The following RLBP1 variants were observed in gnomAD, a reference collection of about 807,000 sequenced individuals.
RLBP1 encodes retinaldehyde binding protein 1, also known as retinaldehyde-binding protein 1.
RLBP1 carries 26 observed loss-of-function variants against 36.2 expected under a neutral mutation model. The ratio of observed to expected loss-of-function variants is 0.72; its 90% CI spans 0.53 to 1.00. RLBP1 has a LOEUF of 1.00. Ranked by LOEUF, RLBP1 falls within the 50% of genes least tolerant of loss-of-function variation. The pLI, the probability that RLBP1 is intolerant of heterozygous loss-of-function variation, is 0.00. For missense variants in RLBP1, 410 were observed against 402.4 expected (o/e 1.02, Z -0.16); for synonymous variants, 155 against 156.2 (o/e 0.99, Z 0.06).
In RLBP1 at chr15:89,217,174, G is replaced by A; in HGVS notation, c.292C>T (p.Arg98Cys). The A allele has an allele frequency of 1.2e-6, 2 of 1,614,044 alleles. No individual in the cohort carries two copies. Among genetic ancestry groups the A allele is most frequent in the South Asian group, 1.1e-5 (1 of 91,080 alleles). ...TTGAACTTCCGTGCGCGGATGAAGC[G>A]CAGGAAGAAGCCGCTGTCCTTCTCT... ...VQEKDSGFFL[R>C]FIRARKFNVG... The change falls in exon 5 of 9, where the codon CGC becomes TGC. Residue 98 changes from arginine to cysteine, a missense_variant. By Grantham distance (180) the Arg-to-Cys change is radical. Transcript: ENST00000268125.
chr15:89,214,960 C>T lies in RLBP1; in HGVS notation c.525+100G>A, dbSNP rs1465379560. On this transcript the variant is annotated intron_variant, in intron 6 of 8. Coordinates refer to ENST00000268125, the MANE Select transcript of RLBP1 (RefSeq NM_000326.5). This position sits in a 1 kb window ranked among gnomAD's most constrained non-coding sequence, Gnocchi z 4.6. ...CTGCCCACCTTTCCCCCTCTACAGA[C>T]CTTGCCTCCTGGAGAACCAGGAATG... 3 of 1,288,682 alleles carry T rather than the reference C, an allele frequency of 2.3e-6. 1 individual carries two copies. The highest frequency in any genetic ancestry group is 2.4e-5 in the South Asian group (2 of 83,462). 79.8% of individuals were successfully genotyped at this position (1,288,682 alleles called of 1,614,324 possible). A position where few individuals can be genotyped will look rare whatever the true frequency, so the allele number is the denominator to read the frequency against.
In RLBP1 at chr15:89,217,331, C is replaced by G. The variant is rs752380181; in HGVS notation, c.142-7G>C. On this transcript the variant is annotated splice_polypyrimidine_tract_variant and splice_region_variant and intron_variant, in intron 4 of 8. Coordinates refer to ENST00000268125, the MANE Select transcript of RLBP1 (RefSeq NM_000326.5). Reference sequence around the variant, plus strand: ...CGTTCAGCTCATCCTTGGCCTAGAACAGGGTGGGGTGTGCATGAAGTTAAA... The same window carrying G: ...CGTTCAGCTCATCCTTGGCCTAGAAGAGGGTGGGGTGTGCATGAAGTTAAA... 11 of 1,603,240 alleles carry G rather than the reference C, an allele frequency of 6.9e-6. No individual in the cohort carries two copies. The South Asian group carries it at 1.2e-4, about 18-fold the overall frequency.
At position 89,210,224 on chromosome 15, in the gene RLBP1, C is replaced by CCAGGA. The variant is rs1311143680; in HGVS notation, c.*56_*60dup. 1.3e-6 allele frequency: 2 copies of CCAGGA among 1,594,724 alleles called. No homozygotes were observed. Among genetic ancestry groups the CCAGGA allele is most frequent in the Admixed American group, 3.3e-5 (2 of 59,874 alleles). On this transcript the variant is annotated 3_prime_UTR_variant, in exon 9 of 9. Transcript: ENST00000268125. This position sits in a 1 kb window ranked among gnomAD's most constrained non-coding sequence, Gnocchi z 4.7. ...AAGCAGCCCTTTCCTAGCCTTGGGT[C>CCAGGA]CAGGACAGTTGAGGAGAGGCCCAGA... is the stretch of plus-strand genomic sequence containing the variant.
At chr15:89,217,074 T>A in intron 5 of RLBP1, 46 bp downstream of exon 5, 1 of 1,594,922 alleles carries the variant, frequency 6.3e-7, no homozygotes, top group Non-Finnish European at 8.6e-7. Flanking sequence ...AGCATCCTCA[T>A]GGCCTCCCGT....
intron 6 of RLBP1, among the ~76,000 whole-genome samples, chr15:89,212,515 G>A (rs1043126469): frequency 5.7e-4 from 86 of 150,368 alleles, no homozygotes; most frequent in African/African-American, 2.0e-3. Flanking sequence ...AACTTGAGAG[G>A]CAGAGGTTGC....
At chr15:89,212,564 G>A (rs1189442202) in intron 6 of RLBP1, among the ~76,000 whole-genome samples, 1 of 140,940 alleles carries the variant, frequency 7.1e-6, no homozygotes, top group Non-Finnish European at 1.5e-5. Flanking sequence ...CAACCTAGGC[G>A]ACAAGAGCAA....
chr15:89,217,059 C>T (rs1398088314), intron 5 of RLBP1, 61 bp downstream of exon 5: 7 of 1,547,438 alleles, frequency 4.5e-6, no homozygotes, highest in Non-Finnish European at 6.2e-6. Flanking sequence ...AGGATGAGAG[C>T]GGATAGCATC....
chr15:89,218,699 C>T lies in RLBP1; in HGVS notation c.13-6G>A, dbSNP rs1300327392. 3.7e-6 allele frequency: 6 copies of T among 1,613,892 alleles called. No homozygotes were observed. The highest frequency in any genetic ancestry group is 5.1e-6 in the Non-Finnish European group (6 of 1,180,040). On this transcript the variant is annotated splice_region_variant and splice_polypyrimidine_tract_variant and intron_variant, in intron 3 of 8. Transcript: ENST00000268125. The surrounding 1 kb of genome is among the most constrained non-coding windows in gnomAD (Gnocchi z 4.6). ...ACCATGCGGAACGTGCCCACCTGGG[C>T]AGAGAAAGGAAAAAGAGGAACAGCC...
At chr15:89,215,631 G>A (rs1463260330) in intron 5 of RLBP1, among the ~76,000 whole-genome samples, 1 of 152,192 alleles carries the variant, frequency 6.6e-6, no homozygotes, top group Non-Finnish European at 1.5e-5. Context: ...GGTGTGCACA[G>A]GGCTGAGGAG....
chr15:89,220,892 G>A (rs970389810), intron 1 of RLBP1, among the ~76,000 whole-genome samples: 14 of 151,840 alleles, frequency 9.2e-5, no homozygotes, highest in Admixed American at 6.6e-5. Context: ...TAAAAATACT[G>A]ATTTACAAGC....
rs1478285840 is a variant in RLBP1, at chr15:89,211,823, C to A, written c.604G>T (p.Glu202Ter). ...TGCATGGTAAAGCCCTTGAAGTTCTCAATGATGCAGAAGCCATTGATTTGA... is the reference window on the plus strand; with the variant it reads ...TGCATGGTAAAGCCCTTGAAGTTCTAAATGATGCAGAAGCCATTGATTTGA... ...ETQINGFCII[E>*]NFKGFTMQQA... Residue 202 changes from glutamate (E) to a stop codon, truncating the protein, a stop_gained, in exon 7 of 9, where the codon GAG becomes TAG. Coordinates refer to ENST00000268125, the MANE Select transcript of RLBP1 (RefSeq NM_000326.5). LOFTEE classifies it high-confidence loss of function. The surrounding 1 kb of genome is among the most constrained non-coding windows in gnomAD (Gnocchi z 5.8). 2 of 1,614,202 alleles carry A rather than the reference C, an allele frequency of 1.2e-6. No individual in the cohort carries two copies. The highest frequency in any genetic ancestry group is 2.2e-5 in the South Asian group (2 of 91,086).
Position 89,211,970 on chromosome 15 carries a change from G to T in RLBP1, c.526-69C>A. On this transcript the variant is annotated intron_variant, in intron 6 of 8. Transcript: ENST00000268125. The surrounding 1 kb of genome is among the most constrained non-coding windows in gnomAD (Gnocchi z 5.8). ...ATAATTAAGGCTTGAGGTCCTGAGG[G>T]GAGAGCTAATTGGTACATTCTTCAC... The T allele has an allele frequency of 6.5e-7, 1 of 1,535,930 alleles. No homozygotes were observed. Among genetic ancestry groups the T allele is most frequent in the South Asian group, 1.1e-5 (1 of 88,330 alleles).
rs903074325 is a variant in RLBP1, at chr15:89,214,650, C to T, written c.525+410G>A. On this transcript the variant is annotated intron_variant, in intron 6 of 8. Coordinates refer to ENST00000268125, the MANE Select transcript of RLBP1 (RefSeq NM_000326.5). This position sits in a 1 kb window ranked among gnomAD's most constrained non-coding sequence, Gnocchi z 4.6. The stretch of plus-strand genomic sequence containing the variant: ...CACAATTTTGCGAGCACAAAGAACT[C>T]GGGCTCCTAAATAGATTGGAACCTG... Among the ~76,000 whole-genome samples the T allele has an allele frequency of 6.6e-5, 10 of 152,132 alleles. No individual in the cohort carries two copies. The highest frequency in any genetic ancestry group is 3.9e-4 in the Admixed American group (6 of 15,272).
In RLBP1 at chr15:89,215,246, A is replaced by T. The variant is rs1356695816; in HGVS notation, c.347-8T>A. ...GCCGGAAATTCACATAGCCTGGAGG[A>T]AGGAGAGCAGAGGAACCCCCTCAGG... On this transcript the variant is annotated splice_polypyrimidine_tract_variant and splice_region_variant and intron_variant, in intron 5 of 8. Coordinates refer to ENST00000268125, the MANE Select transcript of RLBP1 (RefSeq NM_000326.5). The T allele has an allele frequency of 6.2e-7, 1 of 1,613,918 alleles. No individual in the cohort carries two copies. The highest frequency in any genetic ancestry group is 8.5e-7 in the Non-Finnish European group (1 of 1,179,970).
At chr15:89,212,600 A>G (rs1259924416) in intron 6 of RLBP1, among the ~76,000 whole-genome samples, 2 of 141,166 alleles carry the variant, frequency 1.4e-5, no homozygotes, top group Non-Finnish European at 3.0e-5. Context: ...AAAAAAAAAA[A>G]AAGAAAAATG....
chr15:89,215,046 G>A lies in RLBP1; in HGVS notation c.525+14C>T, dbSNP rs1173705310. The A allele has an allele frequency of 5.0e-6, 8 of 1,613,378 alleles. No homozygotes were observed. Among genetic ancestry groups the A allele is most frequent in the East Asian group, 2.2e-5 (1 of 44,880 alleles). On this transcript the variant is annotated intron_variant, in intron 6 of 8. Transcript: ENST00000268125. The stretch of plus-strand genomic sequence containing the variant: ...CCAGCCCACAGGGTGGGAGCCAGGC[G>A]AGCCCCCACTAACCTCATCAAAGGT...
chr15:89,221,159 C>A (rs1416190367), intron 1 of RLBP1, among the ~76,000 whole-genome samples: 1 of 152,086 alleles, frequency 6.6e-6, no homozygotes, highest in Non-Finnish European at 1.5e-5. Context: ...AGGTGCCCAC[C>A]AGCACGCCTG....
Position 89,210,070 on chromosome 15 carries a change from T to C in RLBP1, c.*215A>G, listed in dbSNP as rs1204593500. On this transcript the variant is annotated 3_prime_UTR_variant, in exon 9 of 9. Coordinates refer to ENST00000268125, the MANE Select transcript of RLBP1 (RefSeq NM_000326.5). This position sits in a 1 kb window ranked among gnomAD's most constrained non-coding sequence, Gnocchi z 4.7. ...AAAGCTTCAAGGGCAGGTGGAAATA[T>C]AACTATCCCCAGTTCTTCTTGTTCA... 5.1e-6 allele frequency: 3 copies of C among 593,960 alleles called. No homozygotes were observed. Among genetic ancestry groups the C allele is most frequent in the Non-Finnish European group, 9.0e-6 (3 of 333,180 alleles). 36.8% of individuals were successfully genotyped at this position (593,960 alleles called of 1,614,324 possible). A position where few individuals can be genotyped will look rare whatever the true frequency, so the allele number is the denominator to read the frequency against.
intron 1 of RLBP1, among the ~76,000 whole-genome samples, chr15:89,220,562 G>C (rs2051618371): frequency 6.6e-6 from 1 of 152,096 alleles, no homozygotes; most frequent in Non-Finnish European, 1.5e-5. Context: ...GCAAGCACAG[G>C]GAAGTTCTGG....
Sources: gnomAD v4.1 joint callset for allele counts (sites outside exome capture counted in the v4.1 genomes callset) on GRCh38, gnomAD v4.1.1 for gene constraint, Gnocchi (gnomAD v3.1) non-coding constraint, MANE v1.5 for transcripts, NCBI Gene and HGNC (gene_info 2026-07-23, HGNC 2026-07-21) for gene names.